The following SPATA31D1 variants were observed in gnomAD, a reference collection of about 807,000 sequenced individuals.
SPATA31D1 encodes the protein spermatogenesis-associated protein 31D1.
A neutral mutation model predicts 13.2 loss-of-function variants in SPATA31D1; 6 were observed. That is an observed-to-expected ratio of 0.46 (90% CI 0.25 to 0.90). The LOEUF (loss-of-function observed/expected upper bound fraction) is 0.90, where lower values mean the gene tolerates loss of function less well. Among genes scored for constraint, SPATA31D1 ranks in the 40% least tolerant of loss-of-function variants. SPATA31D1 has a pLI of 0.18. For missense variants in SPATA31D1, 2,445 were observed against 1,884.7 expected (o/e 1.30, Z -5.50); for synonymous variants, 903 against 718.8 (o/e 1.26, Z -4.10).
Position 81,990,753 on chromosome 9 carries a change from T to A in SPATA31D1, c.303-20T>A, listed in dbSNP as rs1488871467. The A allele has an allele frequency of 3.2e-6, 5 of 1,587,124 alleles. No homozygotes were observed. Among genetic ancestry groups the A allele is most frequent in the Admixed American group, 1.8e-5 (1 of 55,638 alleles). ...GCCAGGCTAACAAATCTCCTTTCCT[T>A]GTTCTGGTCCTGACTGCAGCTTTGG... On this transcript the variant is annotated intron_variant, in intron 3 of 3. Coordinates refer to ENST00000344803, the MANE Select transcript of SPATA31D1 (RefSeq NM_001001670.3).
chr9:81,987,443 G>T (rs1387482190), upstream of SPATA31D1, among the ~76,000 whole-genome samples: 2 of 152,024 alleles, frequency 1.3e-5, no homozygotes, highest in African/African-American at 4.8e-5. Context: ...ATATTCAGGG[G>T]GACTTGCATC....
In SPATA31D1 at chr9:81,992,876, G is replaced by T. The variant is rs1825005828; in HGVS notation, c.2406G>T (p.Glu802Asp). Residue 802 changes from glutamate to aspartate, a missense_variant, in exon 4 of 4, where the codon GAG becomes GAT. Physicochemically the swap from Glu to Asp is conservative, Grantham distance 45 (BLOSUM62 2). Coordinates refer to ENST00000344803, the MANE Select transcript of SPATA31D1 (RefSeq NM_001001670.3). ...SSDKDLRSNS[E>D]RDLETHMMHL... The stretch of plus-strand genomic sequence containing the variant: ...ACAAGGATCTGAGGTCTAACTCTGA[G>T]AGAGACCTAGAAACTCATATGATGC... 1.2e-6 allele frequency: 2 copies of T among 1,613,688 alleles called. No individual in the cohort carries two copies. The highest frequency in any genetic ancestry group is 1.7e-6 in the Non-Finnish European group (2 of 1,179,732).
rs370633202 is a variant in SPATA31D1, at chr9:81,994,463, G to A, written c.3993G>A (p.Val1331=). The part of the protein sequence containing the change: ...LPVHNKTSGE[V]LGSKSSPTLK... Reference sequence around the variant, plus strand: ...TTCATAACAAGACATCAGGGGAGGTGCTTGGGAGCAAATCTTCCCCAACCT... The same window carrying A: ...TTCATAACAAGACATCAGGGGAGGTACTTGGGAGCAAATCTTCCCCAACCT... Residue 1331 remains valine, a synonymous_variant, in exon 4 of 4, where the codon GTG becomes GTA. Coordinates refer to ENST00000344803, the MANE Select transcript of SPATA31D1 (RefSeq NM_001001670.3). 1 of 1,613,346 alleles carries A rather than the reference G, an allele frequency of 6.2e-7. No homozygotes were observed. Among genetic ancestry groups the A allele is most frequent in the African/African-American group, 1.3e-5 (1 of 75,034 alleles).
In SPATA31D1 at chr9:81,995,050, C is replaced by T. The variant is rs776790831; in HGVS notation, c.4580C>T (p.Pro1527Leu). ...SMPHRKPVPH[P>L]NPTCRRQVSL... ...CCCCACAGGAAGCCTGTGCCACATC[C>T]AAACCCCACTTGCCGGCGTCAGGTC... Residue 1527 changes from proline to leucine, a missense_variant, in exon 4 of 4, where the codon CCA becomes CTA. Transcript: ENST00000344803. 1.2e-6 allele frequency: 2 copies of T among 1,613,804 alleles called. No individual in the cohort carries two copies. Among genetic ancestry groups the T allele is most frequent in the South Asian group, 1.1e-5 (1 of 91,042 alleles).
In SPATA31D1 at chr9:81,992,144, C is replaced by T. The variant is rs778064519; in HGVS notation, c.1674C>T (p.Thr558=). 2 of 1,613,602 alleles carry T rather than the reference C, an allele frequency of 1.2e-6. No homozygotes were observed. Among genetic ancestry groups the T allele is most frequent in the Admixed American group, 1.7e-5 (1 of 59,986 alleles). ...CCCAACCTCTGTCCTTGCCTAGTAC[C>T]CAACCACTACCCTTGCCTCAAACCC... ...PPPQPLSLPS[T]QPLPLPQTLP... is the part of the protein sequence containing the mutation. The change falls in exon 4 of 4, where the codon ACC becomes ACT. Residue 558 remains threonine (T), a synonymous_variant. Transcript: ENST00000344803.
rs1166790001 is a variant in SPATA31D1, at chr9:81,992,871, T to C, written c.2401T>C (p.Ser801Pro). Reference protein sequence around the residue: ...TSSDKDLRSNSERDLETHMMH... With the variant: ...TSSDKDLRSNPERDLETHMMH... Reference sequence around the variant, plus strand: ...TTCAGACAAGGATCTGAGGTCTAACTCTGAGAGAGACCTAGAAACTCATAT... The same window carrying C: ...TTCAGACAAGGATCTGAGGTCTAACCCTGAGAGAGACCTAGAAACTCATAT... Residue 801 changes from serine to proline, a missense_variant, in exon 4 of 4, where the codon TCT (serine) becomes CCT (proline). Ser to Pro is a moderately conservative substitution (Grantham distance 74). Transcript: ENST00000344803. The C allele has an allele frequency of 6.2e-7, 1 of 1,613,796 alleles. No individual in the cohort carries two copies. The highest frequency in any genetic ancestry group is 1.7e-5 in the Admixed American group (1 of 60,020).
chr9:81,993,923 T>C lies in SPATA31D1; in HGVS notation c.3453T>C (p.Asn1151=). ...GTAGAAAGACCTTTCCTGTCACCAA[T>C]GCTCTTCAATCACAAACTAGGAACA... is the stretch of plus-strand genomic sequence containing the variant. The part of the protein sequence containing the change: ...QGSRKTFPVT[N]ALQSQTRNNL... The change falls in exon 4 of 4, where the codon AAT becomes AAC. Residue 1151 remains asparagine (N), a synonymous_variant. Coordinates refer to ENST00000344803, the MANE Select transcript of SPATA31D1 (RefSeq NM_001001670.3). 1 of 1,613,890 alleles carries C rather than the reference T, an allele frequency of 6.2e-7. No individual in the cohort carries two copies. Among genetic ancestry groups the C allele is most frequent in the Non-Finnish European group, 8.5e-7 (1 of 1,179,810 alleles).
chr9:81,991,615 C>G lies in SPATA31D1; in HGVS notation c.1145C>G (p.Thr382Ser), dbSNP rs749568781. 1.2e-6 allele frequency: 2 copies of G among 1,613,952 alleles called. No homozygotes were observed. The highest frequency in any genetic ancestry group is 2.7e-5 in the African/African-American group (2 of 75,018). Residue 382 changes from threonine (T) to serine (S), a missense_variant, in exon 4 of 4, where the codon ACC becomes AGC. Transcript: ENST00000344803. ...VPSDFMEELL[T>S]LHSSEAFLGG... ...TCTGATTTCATGGAGGAGCTTCTTA[C>G]CCTTCATTCTTCTGAGGCCTTTTTA...
Position 81,994,975 on chromosome 9 carries a change from T to C in SPATA31D1, c.4505T>C (p.Val1502Ala), listed in dbSNP as rs1214016087. 1 of 1,613,862 alleles carries C rather than the reference T, an allele frequency of 6.2e-7. No homozygotes were observed. Among genetic ancestry groups the C allele is most frequent in the Non-Finnish European group, 8.5e-7 (1 of 1,179,872 alleles). Reference sequence around the variant, plus strand: ...GACAAGGACAGACAGCCCCAGAAAGTTGAGGCATTTAAGGGGAAGATACTG... The same window carrying C: ...GACAAGGACAGACAGCCCCAGAAAGCTGAGGCATTTAAGGGGAAGATACTG... ...IIDKDRQPQK[V>A]EAFKGKILCQ... Residue 1502 changes from valine (V) to alanine (A), a missense_variant, in exon 4 of 4, where the codon GTT becomes GCT. By Grantham distance (64) the Val-to-Ala change is moderately conservative. Transcript: ENST00000344803.
chr9:81,990,697 A>G (rs1226368303), intron 3 of SPATA31D1, 76 bp from the exon 4 acceptor site: 2 of 1,519,328 alleles, frequency 1.3e-6, no homozygotes, highest in Admixed American at 2.0e-5. Context: ...GCAATGTGAT[A>G]TGGGCAGCAG....
rs144243790 is a variant in SPATA31D1, at chr9:81,995,212, G to T, written c.*11G>T. The T allele has an allele frequency of 3.4e-4, 504 of 1,495,430 alleles. 2 individuals carry two copies. The African/African-American group carries it at 6.5e-3, about 19-fold the overall frequency. The allele number at this position is 1,495,430 out of a possible 1,614,324, so 92.6% of individuals were successfully genotyped here. On this transcript the variant is annotated 3_prime_UTR_variant, in exon 4 of 4. Coordinates refer to ENST00000344803, the MANE Select transcript of SPATA31D1 (RefSeq NM_001001670.3). ...CCCCCCACAAAATAATTCACTCCTT[G>T]TTGAGAATCTTGATTCTCCCCAATA...
rs201213048 is a variant in SPATA31D1 at position 81,992,684 on chromosome 9, G to C, written c.2214G>C (p.Glu738Asp). ...IHGPLNISLV[E>D]GQRCNVLKKS... ...GACCGTTAAATATCTCTTTGGTTGA[G>C]GGTCAGAGGTGCAATGTTCTAAAGA... is the stretch of plus-strand genomic sequence containing the variant. Residue 738 changes from glutamate to aspartate, a missense_variant, in exon 4 of 4, where the codon GAG (glutamate) becomes GAC (aspartate). Coordinates refer to ENST00000344803, the MANE Select transcript of SPATA31D1 (RefSeq NM_001001670.3). The C allele has an allele frequency of 6.1e-5, 99 of 1,613,700 alleles. No individual in the cohort carries two copies. The highest frequency in any genetic ancestry group is 8.2e-5 in the Non-Finnish European group (97 of 1,179,740).
At position 81,995,130 on chromosome 9, in the gene SPATA31D1, G is replaced by A; in HGVS notation, c.4660G>A (p.Val1554Met). Reference sequence around the variant, plus strand: ...TGCTAAAAGCCCTGTGTTTAGTGATGTGCCTTTCCTAACTGGACAGAAAAT... The same window carrying A: ...TGCTAAAAGCCCTGTGTTTAGTGATATGCCTTTCCTAACTGGACAGAAAAT... Reference protein sequence around the residue: ...TSAKSPVFSDVPFLTGQKMLP... With the variant: ...TSAKSPVFSDMPFLTGQKMLP... The change falls in exon 4 of 4, where the codon GTG (valine) becomes ATG (methionine). Residue 1554 changes from valine (V) to methionine (M), a missense_variant. Physicochemically the swap from Val to Met is conservative, Grantham distance 21 (BLOSUM62 1). Coordinates refer to ENST00000344803, the MANE Select transcript of SPATA31D1 (RefSeq NM_001001670.3). 5 of 1,601,422 alleles carry A rather than the reference G, an allele frequency of 3.1e-6. No individual in the cohort carries two copies. In the South Asian group the frequency reaches 4.5e-5, roughly 14 times the overall value.
upstream of SPATA31D1, among the ~76,000 whole-genome samples, chr9:81,988,399 T>C (rs943883395): frequency 6.6e-6 from 1 of 152,218 alleles, no homozygotes; most frequent in Admixed American, 6.5e-5. Context: ...TGAGGACATA[T>C]GTGATCCTGA....
At position 81,992,154 on chromosome 9, in the gene SPATA31D1, C is replaced by T. The variant is rs1322948026; in HGVS notation, c.1684C>T (p.Pro562Ser). 3 of 1,613,646 alleles carry T rather than the reference C, an allele frequency of 1.9e-6. No homozygotes were observed. Among genetic ancestry groups the T allele is most frequent in the Non-Finnish European group, 8.5e-7 (1 of 1,179,728 alleles). ...GTCCTTGCCTAGTACCCAACCACTA[C>T]CCTTGCCTCAAACCCTGCCCCAAGG... is the stretch of plus-strand genomic sequence containing the variant. ...PLSLPSTQPL[P>S]LPQTLPQGQS... The change falls in exon 4 of 4, where the codon CCC (proline) becomes TCC (serine). Residue 562 changes from proline (P) to serine (S), a missense_variant. By Grantham distance (74) the Pro-to-Ser change is moderately conservative. Coordinates refer to ENST00000344803, the MANE Select transcript of SPATA31D1 (RefSeq NM_001001670.3).
chr9:81,988,482 G>A (rs1165821501), upstream of SPATA31D1, among the ~76,000 whole-genome samples: 1 of 152,190 alleles, frequency 6.6e-6, no homozygotes, highest in Non-Finnish European at 1.5e-5. Flanking sequence ...GGTTGGTGGG[G>A]TCCAAGTTAA....
chr9:81,994,388 A>T lies in SPATA31D1; in HGVS notation c.3918A>T (p.Gly1306=), dbSNP rs375640359. ...GACCCAAAGGAGGAGAGCTTGATGG[A>T]GGGGATGCAGGGCTGGGGACATCCC... ...PVRPKGGELD[G]GDAGLGTSQR... Residue 1306 remains glycine (G), a synonymous_variant, in exon 4 of 4, where the codon GGA becomes GGT. Coordinates refer to ENST00000344803, the MANE Select transcript of SPATA31D1 (RefSeq NM_001001670.3). 139 of 1,613,910 alleles carry T rather than the reference A, an allele frequency of 8.6e-5. No individual in the cohort carries two copies. In the African/African-American group the frequency reaches 1.8e-3, roughly 21 times the overall value.
In SPATA31D1 at chr9:81,993,893, G is replaced by T. The variant is rs199831528; in HGVS notation, c.3423G>T (p.Gln1141His). The change falls in exon 4 of 4, where the codon CAG (glutamine) becomes CAT (histidine). Residue 1141 changes from glutamine to histidine, a missense_variant. Transcript: ENST00000344803. ...KSSFHNVDRL[Q>H]GSRKTFPVTN... ...CCTTTCATAATGTAGACAGGCTTCA[G>T]GGCAGTAGAAAGACCTTTCCTGTCA... The T allele has an allele frequency of 2.5e-6, 4 of 1,613,948 alleles. No individual in the cohort carries two copies. The highest frequency in any genetic ancestry group is 3.4e-6 in the Non-Finnish European group (4 of 1,179,876).
In SPATA31D1 at chr9:81,991,284, T is replaced by G. The variant is rs767714129; in HGVS notation, c.814T>G (p.Phe272Val). The part of the protein sequence containing the change: ...PEASLSLNTI[F>V]SFGSTLCQDI... ...AGCCAGTTTGTCTCTGAACACCATC[T>G]TTTCATTTGGCTCCACCCTATGCCA... The change falls in exon 4 of 4, where the codon TTT becomes GTT. Residue 272 changes from phenylalanine (F) to valine (V), a missense_variant. Coordinates refer to ENST00000344803, the MANE Select transcript of SPATA31D1 (RefSeq NM_001001670.3). The G allele has an allele frequency of 5.0e-6, 8 of 1,613,920 alleles. No individual in the cohort carries two copies. The Admixed American group carries it at 6.7e-5, about 13-fold the overall frequency.
Sources: gnomAD v4.1 joint callset for allele counts (sites outside exome capture counted in the v4.1 genomes callset) on GRCh38, gnomAD v4.1.1 for gene constraint, MANE v1.5 for transcripts, NCBI Gene and HGNC (gene_info 2026-07-23, HGNC 2026-07-21) for gene names.